Variants in MTMR7 observed in about 807,000 individuals in gnomAD.
The protein encoded by MTMR7 is phosphatidylinositol-3-phosphate phosphatase MTMR7.
A neutral mutation model predicts 81.2 loss-of-function variants in MTMR7; 76 were observed. That is an observed-to-expected ratio of 0.94 (90% CI 0.78 to 1.13). The LOEUF is 1.13. Among genes scored for constraint, MTMR7 ranks in the 50% most tolerant of loss-of-function variants. MTMR7 has a pLI of 0.00. For missense variants in MTMR7, 1,044 were observed against 820.0 expected (o/e 1.27, Z -3.34); for synonymous variants, 372 against 289.8 (o/e 1.28, Z -2.88).
chr8:17,373,446 G>A (rs961043823), intron 1 of MTMR7, among the ~76,000 whole-genome samples: 3 of 152,118 alleles, frequency 2.0e-5, no homozygotes, highest in African/African-American at 4.8e-5. Context: ...CACCAGTTAC[G>A]AAAATATGAG....
Position 17,366,415 on chromosome 8 carries a change from TGAAAA to T in MTMR7, c.310+4617_310+4621del, listed in dbSNP as rs543512382. Among the ~76,000 whole-genome samples, 33 of 151,650 alleles carry T rather than the reference TGAAAA, an allele frequency of 2.2e-4. No individual in the cohort carries two copies. In the South Asian group the frequency reaches 6.7e-3, roughly 31 times the overall value. ...ATTAAAATCAAAAGTATTTTAAAAA[TGAAAA>T]GAAAAAACAAACATGAATCAGCATC... is the stretch of plus-strand genomic sequence containing the variant. On this transcript the variant is annotated intron_variant, in intron 3 of 13. Coordinates refer to ENST00000180173, the MANE Select transcript of MTMR7 (RefSeq NM_004686.5).
chr8:17,302,643 A>C (rs1001972268), intron 12 of MTMR7, among the ~76,000 whole-genome samples: 28 of 138,606 alleles, frequency 2.0e-4, no homozygotes, highest in Non-Finnish European at 3.4e-4. Context: ...GGAATCTTAA[A>C]CTTGCAGCTT....
intron 8 of MTMR7, 184 bp from the exon 9 acceptor site, chr8:17,311,820 T>C: frequency 1.2e-6 from 1 of 845,388 alleles, no homozygotes. Flanking sequence ...TGCTGGCAGC[T>C]AAAGCTTTCC....
chr8:17,328,291 T>G (rs1292121604), intron 7 of MTMR7, among the ~76,000 whole-genome samples: 4 of 152,132 alleles, frequency 2.6e-5, no homozygotes. Flanking sequence ...TCCATACACC[T>G]TTCCACCTTC....
chr8:17,376,601 T>C (rs371000535), intron 1 of MTMR7, among the ~76,000 whole-genome samples: 103 of 152,190 alleles, frequency 6.8e-4, no homozygotes, highest in Non-Finnish European at 1.0e-3. Flanking sequence ...ATAACACTTA[T>C]TATAATCTCT....
rs1396354135 is a variant in MTMR7 at position 17,361,233 on chromosome 8, G to C, written c.352C>G (p.Leu118Val). 4 of 1,613,986 alleles carry C rather than the reference G, an allele frequency of 2.5e-6. No individual in the cohort carries two copies. In the African/African-American group the frequency reaches 4.0e-5, roughly 16 times the overall value. Residue 118 changes from leucine (L) to valine (V), a missense_variant, in exon 4 of 14, where the codon CTG becomes GTG. Transcript: ENST00000180173. ...ELYCFSFNPM[L>V]DKEEREQGWV... ...CCTTGCTCTCTTTCTTCTTTATCCA[G>C]CATGGGGTTGAATGAAAAGCAGTAT... is the stretch of plus-strand genomic sequence containing the variant.
At chr8:17,385,013 G>A (rs1820886338) in intron 1 of MTMR7, among the ~76,000 whole-genome samples, 1 of 152,156 alleles carries the variant, frequency 6.6e-6, no homozygotes, top group Non-Finnish European at 1.5e-5. Flanking sequence ...AAAAATGCTG[G>A]TGGGATGCAC....
chr8:17,380,589 C>A (rs568043616), intron 1 of MTMR7, among the ~76,000 whole-genome samples: 3 of 151,114 alleles, frequency 2.0e-5, no homozygotes, highest in Middle Eastern at 6.8e-3. Context: ...AAAAAAAGGA[C>A]CATGCATAAT....
chr8:17,374,680 G>A (rs766881853), intron 1 of MTMR7, among the ~76,000 whole-genome samples: 21 of 152,078 alleles, frequency 1.4e-4, no homozygotes, highest in Admixed American at 7.2e-4. Flanking sequence ...TGGGGTGGTA[G>A]CAGGTGCCTG....
intron 9 of MTMR7, 67 bp from the exon 10 acceptor site, chr8:17,309,393 T>C: frequency 9.1e-7 from 1 of 1,097,390 alleles, no homozygotes; most frequent in Non-Finnish European, 1.4e-6. Context: ...ACACAACCAA[T>C]AATGTTGAGG....
chr8:17,306,973 G>A (rs1377348737), intron 10 of MTMR7, among the ~76,000 whole-genome samples: 2 of 152,112 alleles, frequency 1.3e-5, no homozygotes, highest in African/African-American at 4.8e-5. Context: ...CAGGACATAG[G>A]CATGGGCAAG....
intron 4 of MTMR7, among the ~76,000 whole-genome samples, chr8:17,351,501 C>A (rs915657809): frequency 3.3e-5 from 5 of 152,246 alleles, no homozygotes; most frequent in African/African-American, 1.2e-4. Flanking sequence ...CTCCTGCCCT[C>A]TAAGAGCACC....
In MTMR7 at chr8:17,300,205, T is replaced by C; in HGVS notation, c.1640A>G (p.Lys547Arg). 6.2e-7 allele frequency: 1 copy of C among 1,603,202 alleles called. No individual in the cohort carries two copies. The highest frequency in any genetic ancestry group is 8.5e-7 in the Non-Finnish European group (1 of 1,174,282). Reference sequence around the variant, plus strand: ...CACCTTAGTGCAATTTAACTGGACCTTTTGAATTTTTTCCAGCCTCTAAGA... The same window carrying C: ...CACCTTAGTGCAATTTAACTGGACCCTTTGAATTTTTTCCAGCCTCTAAGA... ...ALEERLEKIQ[K>R]VQLNCTKVKS... Residue 547 changes from lysine to arginine, a missense_variant, in exon 14 of 14, where the codon AAG becomes AGG. Coordinates refer to ENST00000180173, the MANE Select transcript of MTMR7 (RefSeq NM_004686.5).
At chr8:17,353,925 T>A (rs1008839552) in intron 4 of MTMR7, among the ~76,000 whole-genome samples, 1 of 152,208 alleles carries the variant, frequency 6.6e-6, no homozygotes, top group South Asian at 2.1e-4. Flanking sequence ...CAGGCATTAC[T>A]CTCAGCTGCA....
intron 4 of MTMR7, 113 bp downstream of exon 4, chr8:17,361,004 T>C (rs1820043155): frequency 2.5e-6 from 3 of 1,176,806 alleles, no homozygotes; most frequent in Admixed American, 2.2e-5. Flanking sequence ...GAAATCCACA[T>C]ATGGATATCT....
chr8:17,308,610 A>C (rs937770160), intron 10 of MTMR7, among the ~76,000 whole-genome samples: 2 of 152,210 alleles, frequency 1.3e-5, no homozygotes, highest in African/African-American at 2.4e-5. Context: ...AGACTAAACT[A>C]AGTACAGCTA....
chr8:17,377,873 A>C (rs1404941617), intron 1 of MTMR7, among the ~76,000 whole-genome samples: 1 of 152,170 alleles, frequency 6.6e-6, no homozygotes, highest in Admixed American at 6.5e-5. Context: ...TTTTAAAGTA[A>C]CTACGATAAA....
chr8:17,376,211 A>C (rs1465053680), intron 1 of MTMR7, among the ~76,000 whole-genome samples: 1 of 152,202 alleles, frequency 6.6e-6, no homozygotes, highest in African/African-American at 2.4e-5. Flanking sequence ...TTCACTTAGC[A>C]ATCATGTTCT....
Position 17,302,289 on chromosome 8 carries a change from G to T in MTMR7, c.1494-9C>A. ...ACATTCCACTCCAAAACCTGGAAAG[G>T]ATGGCAAAGCGTCGTGATACCACCT... is the stretch of plus-strand genomic sequence containing the variant. On this transcript the variant is annotated splice_polypyrimidine_tract_variant and intron_variant, in intron 12 of 13. Transcript: ENST00000180173. The T allele has an allele frequency of 6.2e-7, 1 of 1,612,102 alleles. No homozygotes were observed. Among genetic ancestry groups the T allele is most frequent in the Non-Finnish European group, 8.5e-7 (1 of 1,179,240 alleles).
Sources: allele counts gnomAD v4.1 joint callset (sites outside exome capture counted in the v4.1 genomes callset), GRCh38; gene constraint gnomAD v4.1.1; transcripts MANE v1.5; gene names NCBI Gene and HGNC (gene_info 2026-07-23, HGNC 2026-07-21).